SCFD2: variants seen among roughly 807,000 people sequenced by gnomAD.
SCFD2 encodes sec1 family domain-containing protein 2.
A neutral mutation model predicts 58.9 loss-of-function variants in SCFD2; 54 were observed. The observed-to-expected ratio is 0.92, with a 90% CI of 0.74 to 1.15. The LOEUF (loss-of-function observed/expected upper bound fraction) is 1.15. SCFD2 is among the 50% of genes most tolerant of loss of function. The probability of loss-of-function intolerance (pLI) is 0.00; values close to 1 mark genes in which losing one functional copy is unlikely to be tolerated. For synonymous variants in SCFD2, 321 were observed against 335.9 expected, an observed-to-expected ratio of 0.96 and a Z score of 0.49; for missense variants, 805 against 836.6, an observed-to-expected ratio of 0.96 and a Z score of 0.47.
intron 5 of SCFD2, among the ~76,000 whole-genome samples, chr4:53,127,510 A>T (rs1725661804): frequency 1.3e-5 from 2 of 152,190 alleles, no homozygotes; most frequent in African/African-American, 4.8e-5. Flanking sequence ...CACTAATCAA[A>T]GTAACACACA....
chr4:53,185,892 C>T (rs1444259633), intron 4 of SCFD2, among the ~76,000 whole-genome samples: 6 of 152,010 alleles, frequency 3.9e-5, no homozygotes, highest in African/African-American at 1.4e-4. Flanking sequence ...CCTTGAGATG[C>T]AACATGGATA....
chr4:53,141,516 T>C (rs1350790983), intron 5 of SCFD2, among the ~76,000 whole-genome samples: 1 of 152,172 alleles, frequency 6.6e-6, no homozygotes, highest in East Asian at 1.9e-4. Context: ...ATTTTGTCTT[T>C]CACAAGTGCA....
intron 2 of SCFD2, among the ~76,000 whole-genome samples, chr4:53,319,064 G>C (rs1218776819): frequency 6.6e-6 from 1 of 152,170 alleles, no homozygotes; most frequent in Non-Finnish European, 1.5e-5. Context: ...AATCATCAAA[G>C]AGAATCAATT....
intron 4 of SCFD2, among the ~76,000 whole-genome samples, chr4:53,211,319 G>T (rs1274884223): frequency 1.3e-5 from 2 of 151,536 alleles, no homozygotes; most frequent in South Asian, 4.1e-4. Context: ...CCTGGAGGAT[G>T]CACACCCAGG....
chr4:53,148,990 T>C (rs1726424951), intron 4 of SCFD2, among the ~76,000 whole-genome samples: 1 of 152,200 alleles, frequency 6.6e-6, no homozygotes, highest in Non-Finnish European at 1.5e-5. Context: ...AGCAAGACCC[T>C]GTCTCTAAAA....
rs1726294895 is a variant in SCFD2 at position 53,145,364 on chromosome 4, A to C, written c.1530T>G (p.Ser510=). The stretch of plus-strand genomic sequence containing the variant: ...TTTTTTGCAGCAAAGGTGACAATCC[A>C]GATTCCTCACAGAAGACCTGAGCCA... The part of the protein sequence containing the change: ...KALAQVFCEE[S]GLSPLLQKIT... Residue 510 remains serine (S), a synonymous_variant, in exon 5 of 9, where the codon TCT becomes TCG. Coordinates refer to ENST00000401642, the MANE Select transcript of SCFD2 (RefSeq NM_152540.4). 1 of 1,614,080 alleles carries C rather than the reference A, an allele frequency of 6.2e-7. No homozygotes were observed. Among genetic ancestry groups the C allele is most frequent in the African/African-American group, 1.3e-5 (1 of 74,928 alleles).
At chr4:53,132,023 G>A (rs1725799482) in intron 5 of SCFD2, among the ~76,000 whole-genome samples, 1 of 152,180 alleles carries the variant, frequency 6.6e-6, no homozygotes, top group Non-Finnish European at 1.5e-5. Context: ...AGTAGAAGAA[G>A]ATTCATTCCA....
At chr4:52,874,114 A>C in intron 8 of SCFD2, 53 bp from the exon 9 acceptor site, 9 of 1,152,820 alleles carry the variant, frequency 7.8e-6, no homozygotes, top group East Asian at 2.3e-5. Context: ...GGCCAATCTC[A>C]GGGTATTGGA....
At chr4:53,343,392 G>A (rs966805080) in intron 2 of SCFD2, among the ~76,000 whole-genome samples, 10 of 152,102 alleles carry the variant, frequency 6.6e-5, no homozygotes, top group African/African-American at 1.9e-4. Context: ...ACCCTCCCAA[G>A]ACTAAACCAG....
chr4:53,256,644 G>A (rs1324570092), intron 4 of SCFD2, among the ~76,000 whole-genome samples: 1 of 152,100 alleles, frequency 6.6e-6, no homozygotes, highest in Non-Finnish European at 1.5e-5. Flanking sequence ...GGAGGCCGAG[G>A]CTGGCGGATC....
intron 6 of SCFD2, among the ~76,000 whole-genome samples, chr4:52,907,826 C>T (rs897016763): frequency 1.3e-5 from 2 of 152,046 alleles, no homozygotes; most frequent in Non-Finnish European, 2.9e-5. Context: ...GCTTCTCATG[C>T]TCCCTTCTAC....
At chr4:53,121,959 T>A (rs1218268859) in intron 5 of SCFD2, among the ~76,000 whole-genome samples, 1 of 152,212 alleles carries the variant, frequency 6.6e-6, no homozygotes, top group Admixed American at 6.5e-5. Context: ...AGTGAGTTCT[T>A]GCTTTTAATT....
chr4:53,178,904 T>C (rs1305851259), intron 4 of SCFD2, among the ~76,000 whole-genome samples: 6 of 152,030 alleles, frequency 3.9e-5, no homozygotes, highest in Admixed American at 3.9e-4. Context: ...GTATCAGTGA[T>C]GGAAGATCAA....
chr4:53,040,264 G>A (rs184166054), intron 5 of SCFD2, among the ~76,000 whole-genome samples: 37 of 152,228 alleles, frequency 2.4e-4, no homozygotes, highest in Admixed American at 1.2e-3. Context: ...TGTAACTACC[G>A]CAGCATGTAA....
chr4:52,926,624 G>T (rs567478712), intron 5 of SCFD2, among the ~76,000 whole-genome samples: 25 of 152,180 alleles, frequency 1.6e-4, no homozygotes, highest in Non-Finnish European at 3.5e-4. Flanking sequence ...CCCTGGTCAA[G>T]AGGCTATTTT....
At chr4:53,040,277 C>T (rs978895159) in intron 5 of SCFD2, among the ~76,000 whole-genome samples, 3 of 152,034 alleles carry the variant, frequency 2.0e-5, no homozygotes, top group African/African-American at 4.8e-5. Flanking sequence ...GCATGTAACT[C>T]AATATGAGAG....
intron 4 of SCFD2, among the ~76,000 whole-genome samples, chr4:53,260,419 C>A (rs189200929): frequency 3.3e-5 from 5 of 152,088 alleles, no homozygotes; most frequent in African/African-American, 1.2e-4. Context: ...GCTGATTTTG[C>A]TGAGGGTTTA....
At chr4:53,309,131 T>C (rs927906642) in intron 3 of SCFD2, among the ~76,000 whole-genome samples, 4 of 143,598 alleles carry the variant, frequency 2.8e-5, no homozygotes, top group Admixed American at 1.4e-4. Flanking sequence ...AGACTTCGTC[T>C]CAAAAAAAAA....
intron 5 of SCFD2, among the ~76,000 whole-genome samples, chr4:53,102,707 A>G (rs1375542516): frequency 2.0e-5 from 3 of 152,138 alleles, no homozygotes; most frequent in Admixed American, 2.0e-4. Context: ...TGACAAAAAA[A>G]CAAAAGCTTG....
Sources: gnomAD v4.1 joint callset for allele counts (sites outside exome capture counted in the v4.1 genomes callset) on GRCh38, gnomAD v4.1.1 for gene constraint, MANE v1.5 for transcripts, NCBI Gene and HGNC (gene_info 2026-07-23, HGNC 2026-07-21) for gene names.